Variants in AUNIP observed in about 807,000 individuals in gnomAD.
AUNIP encodes aurora kinase A and ninein interacting protein.
AUNIP carries 16 observed loss-of-function variants against 12.2 expected under a neutral mutation model. The observed-to-expected ratio is 1.31, with a 90% CI of 0.88 to 1.99. The LOEUF (loss-of-function observed/expected upper bound fraction) is 1.99. AUNIP is among the 30% of genes most tolerant of loss of function. The probability of loss-of-function intolerance (pLI) is 0.00; values close to 1 mark genes in which losing one functional copy is unlikely to be tolerated. For missense variants in AUNIP, 411 were observed against 419.1 expected, an observed-to-expected ratio of 0.98 and a Z score of 0.17; for synonymous variants, 142 against 154.8, an observed-to-expected ratio of 0.92 and a Z score of 0.61.
chr1:25,846,783 G>T (rs2048386450), intron 1 of AUNIP, among the ~76,000 whole-genome samples: 1 of 152,122 alleles, frequency 6.6e-6, no homozygotes. Flanking sequence ...GCATATCAGA[G>T]GTCATTGTAC....
chr1:25,859,333 C>G lies in AUNIP; in HGVS notation c.25G>C (p.Glu9Gln). The part of the protein sequence containing the change: MRRTGPEE[E>Q]ACGVWLDAAA... Reference sequence around the variant, plus strand: ...GCGTCCAGCCACACGCCGCAGGCCTCCTCCTCGGGGCCTGTCCGCCTCATG... The same window carrying G: ...GCGTCCAGCCACACGCCGCAGGCCTGCTCCTCGGGGCCTGTCCGCCTCATG... Residue 9 changes from glutamate (E) to glutamine (Q), a missense_variant, in exon 1 of 3, where the codon GAG becomes CAG. Glu to Gln is a conservative substitution (Grantham distance 29). Coordinates refer to ENST00000374298, the MANE Select transcript of AUNIP (RefSeq NM_024037.3). 1 of 1,561,422 alleles carries G rather than the reference C, an allele frequency of 6.4e-7. No homozygotes were observed. The highest frequency in any genetic ancestry group is 8.7e-7 in the Non-Finnish European group (1 of 1,155,810).
rs1449698476 is a variant in AUNIP at position 25,834,947 on chromosome 1, C to T, written c.*46G>A. ...CTCCACCCACAACTATATTTTCCTA[C>T]ATCTCTATCATTTCAAGGTACTTTT... is the stretch of plus-strand genomic sequence containing the variant. On this transcript the variant is annotated 3_prime_UTR_variant, in exon 3 of 3. Transcript: ENST00000374298. The T allele has an allele frequency of 6.4e-7, 1 of 1,560,084 alleles. No individual in the cohort carries two copies. The highest frequency in any genetic ancestry group is 8.7e-7 in the Non-Finnish European group (1 of 1,155,824).
chr1:25,834,701 G>A lies in AUNIP; in HGVS notation c.*292C>T. ...AAAGAGATGGCTCTGTGCAGGCTGA[G>A]TAAAAGGCACTTTCATAGAGATAAA... On this transcript the variant is annotated 3_prime_UTR_variant, in exon 3 of 3. Transcript: ENST00000374298. 1.7e-6 allele frequency: 2 copies of A among 1,180,232 alleles called. No homozygotes were observed. Among genetic ancestry groups the A allele is most frequent in the Non-Finnish European group, 2.1e-6 (2 of 952,226 alleles). The allele number at this position is 1,180,232 out of a possible 1,614,324, so 73.1% of individuals were successfully genotyped here.
chr1:25,856,845 C>T (rs1029917268), intron 1 of AUNIP, among the ~76,000 whole-genome samples: 4 of 151,802 alleles, frequency 2.6e-5, no homozygotes, highest in Non-Finnish European at 4.4e-5. Context: ...CAGTGGCTCA[C>T]ACCTGTAATC....
chr1:25,845,681 T>C (rs2048378478), intron 1 of AUNIP, among the ~76,000 whole-genome samples: 1 of 152,208 alleles, frequency 6.6e-6, no homozygotes, highest in Admixed American at 6.5e-5. Context: ...TATAGCTTAA[T>C]ACACATAATA....
rs1233682129 is a variant in AUNIP at position 25,835,996 on chromosome 1, C to A, written c.221-150G>T. 4.0e-6 allele frequency: 5 copies of A among 1,259,530 alleles called. No individual in the cohort carries two copies. In the African/African-American group the frequency reaches 7.6e-5, roughly 19 times the overall value. 78.0% of individuals were successfully genotyped at this position (1,259,530 alleles called of 1,614,324 possible). A position where few individuals can be genotyped will look rare whatever the true frequency, so the allele number is the denominator to read the frequency against. Reference sequence around the variant, plus strand: ...TCACATAACTTTGTAGCCAATCTTCCTGTTTTCAATCTTGCCAGTCTATCA... The same window carrying A: ...TCACATAACTTTGTAGCCAATCTTCATGTTTTCAATCTTGCCAGTCTATCA... On this transcript the variant is annotated intron_variant, in intron 2 of 2. Transcript: ENST00000374298.
intron 1 of AUNIP, among the ~76,000 whole-genome samples, chr1:25,849,940 G>A (rs992024885): frequency 1.3e-5 from 2 of 152,080 alleles, no homozygotes; most frequent in South Asian, 4.1e-4. Flanking sequence ...CTCAACCCTA[G>A]ATATACCATT....
chr1:25,852,225 A>G (rs904808617), intron 1 of AUNIP, among the ~76,000 whole-genome samples: 2 of 151,826 alleles, frequency 1.3e-5, no homozygotes, highest in Non-Finnish European at 2.9e-5. Context: ...AAATGCTGGG[A>G]TTATAGGTGT....
At chr1:25,837,350 G>A in intron 2 of AUNIP, 63 bp downstream of exon 2, 1 of 1,536,354 alleles carries the variant, frequency 6.5e-7, no homozygotes, top group East Asian at 2.3e-5. Context: ...GTCTAACATG[G>A]ACAAATGAAC....
At chr1:25,850,382 T>C (rs921469479) in intron 1 of AUNIP, among the ~76,000 whole-genome samples, 1 of 152,160 alleles carries the variant, frequency 6.6e-6, no homozygotes, top group Non-Finnish European at 1.5e-5. Flanking sequence ...TCCTCCAACT[T>C]TGTTACTCTT....
At chr1:25,846,859 T>G (rs1572264912) in intron 1 of AUNIP, among the ~76,000 whole-genome samples, 1 of 152,364 alleles carries the variant, frequency 6.6e-6, no homozygotes, top group South Asian at 2.1e-4. Context: ...TTCTCTTATT[T>G]TAACTACTTC....
In AUNIP at chr1:25,834,498, T is replaced by A. The variant is rs897542199; in HGVS notation, c.*495A>T. ...TGGGCGTGGTGGCGCATGCCTGTAG[T>A]CCCTGCTATTCGGGAGGCTGAGGCA... On this transcript the variant is annotated 3_prime_UTR_variant, in exon 3 of 3. Transcript: ENST00000374298. 3 of 718,246 alleles carry A rather than the reference T, an allele frequency of 4.2e-6. No individual in the cohort carries two copies. The African/African-American group carries it at 5.8e-5, about 14-fold the overall frequency. 44.5% of individuals were successfully genotyped at this position (718,246 alleles called of 1,614,324 possible). A position where few individuals can be genotyped will look rare whatever the true frequency, so the allele number is the denominator to read the frequency against.
At chr1:25,857,009 G>C (rs372398870) in intron 1 of AUNIP, among the ~76,000 whole-genome samples, 1 of 151,968 alleles carries the variant, frequency 6.6e-6, no homozygotes, top group African/African-American at 2.4e-5. Flanking sequence ...CCAGCTACTC[G>C]GGAGGATGAG....
chr1:25,833,125 CT>C (rs544620811), downstream of AUNIP, among the ~76,000 whole-genome samples: 1 of 151,674 alleles, frequency 6.6e-6, no homozygotes, highest in Non-Finnish European at 1.5e-5. Context: ...TACTCTTTTT[CT>C]TTTTTTTAGA....
chr1:25,834,251 GAAA>G lies in AUNIP; in HGVS notation c.*739_*741del. The G allele has an allele frequency of 1.0e-6, 1 of 984,576 alleles. No homozygotes were observed. Among genetic ancestry groups the G allele is most frequent in the East Asian group, 1.1e-4 (1 of 8,808 alleles). 61.0% of individuals were successfully genotyped at this position (984,576 alleles called of 1,614,324 possible). A position where few individuals can be genotyped will look rare whatever the true frequency, so the allele number is the denominator to read the frequency against. ...GTTGTGGGGAGATTTGCTAATCACT[GAAA>G]AAAAAGGGTCAAGAGTAATCATCCC... On this transcript the variant is annotated 3_prime_UTR_variant, in exon 3 of 3. Coordinates refer to ENST00000374298, the MANE Select transcript of AUNIP (RefSeq NM_024037.3).
intron 1 of AUNIP, among the ~76,000 whole-genome samples, chr1:25,846,198 T>C (rs1266963387): frequency 6.6e-6 from 1 of 152,046 alleles, no homozygotes; most frequent in Non-Finnish European, 1.5e-5. Flanking sequence ...GGCAGGCAGA[T>C]CACTTGAGGT....
chr1:25,835,258 G>T lies in AUNIP; in HGVS notation c.809C>A (p.Ser270Tyr), dbSNP rs1572258148. Residue 270 changes from serine (S) to tyrosine (Y), a missense_variant, in exon 3 of 3, where the codon TCT becomes TAT. Coordinates refer to ENST00000374298, the MANE Select transcript of AUNIP (RefSeq NM_024037.3). The stretch of plus-strand genomic sequence containing the variant: ...CTTTTCATTGTCCCAGGAAAACACA[G>T]AAACTGGACTACGGCTTTGTTTCAC... Reference protein sequence around the residue: ...ESVKQSRSPVSVFSWDNEKND... With the variant: ...ESVKQSRSPVYVFSWDNEKND... The T allele has an allele frequency of 6.2e-7, 1 of 1,613,904 alleles. No homozygotes were observed.
intron 1 of AUNIP, among the ~76,000 whole-genome samples, chr1:25,843,594 GAAAAAAAAAAA>G (rs769525747): frequency 4.4e-4 from 14 of 31,892 alleles, no homozygotes; most frequent in East Asian, 4.1e-3. Context: ...CTGTCTGTTT[GAAAAAAAAAAA>G]AAAAAAAAAA....
At chr1:25,840,177 G>A (rs72879431) in intron 1 of AUNIP, among the ~76,000 whole-genome samples, 3,393 of 152,078 alleles carry the variant, frequency 0.022, 129 homozygotes, top group African/African-American at 0.077. Flanking sequence ...ATAAATATGC[G>A]CAAGGATTTG....
Sources: allele counts gnomAD v4.1 joint callset (sites outside exome capture counted in the v4.1 genomes callset), GRCh38; gene constraint gnomAD v4.1.1; transcripts MANE v1.5; gene names NCBI Gene and HGNC (gene_info 2026-07-23, HGNC 2026-07-21).